Variants in DLG2 observed in about 807,000 individuals in gnomAD.
The protein encoded by DLG2 is discs large MAGUK scaffold protein 2.
In DLG2, 45 loss-of-function variants were observed where a neutral mutation model predicts 132.5. That is an observed-to-expected ratio of 0.34 (90% CI 0.27 to 0.44). DLG2 has a LOEUF of 0.44. Among genes scored for constraint, DLG2 ranks in the 20% least tolerant of loss-of-function variants. The probability of loss-of-function intolerance (pLI) is 1.00; values close to 1 mark genes in which losing one functional copy is unlikely to be tolerated. For missense variants in DLG2, 1,045 were observed against 1,196.9 expected (o/e 0.87, Z 1.87); for synonymous variants, 424 against 419.6 (o/e 1.01, Z -0.13).
At chr11:84,823,654 T>C (rs908855104) in intron 6 of DLG2, among the ~76,000 whole-genome samples, 1 of 150,640 alleles carries the variant, frequency 6.6e-6, no homozygotes, top group African/African-American at 2.4e-5. Flanking sequence ...CGAGCCCAGT[T>C]ATTTTCTCCA....
intron 9 of DLG2, among the ~76,000 whole-genome samples, chr11:84,137,861 T>C (rs1253291138): frequency 1.3e-5 from 2 of 152,196 alleles, no homozygotes; most frequent in Non-Finnish European, 2.9e-5. Context: ...CTTCATTTAA[T>C]GCCATTACTC....
intron 15 of DLG2, among the ~76,000 whole-genome samples, chr11:83,887,536 A>G (rs2068289371): frequency 1.3e-5 from 2 of 152,150 alleles, no homozygotes; most frequent in African/African-American, 4.8e-5. Context: ...AGGAACTCGT[A>G]CCATTCCTTG....
chr11:84,643,088 T>C (rs1381349030), intron 6 of DLG2, among the ~76,000 whole-genome samples: 2 of 152,338 alleles, frequency 1.3e-5, no homozygotes, highest in East Asian at 1.9e-4. Context: ...TTATTTTCCA[T>C]CACTATGTAG....
intron 4 of DLG2, among the ~76,000 whole-genome samples, chr11:85,253,186 A>T (rs2076484769): frequency 6.6e-6 from 1 of 152,226 alleles, no homozygotes; most frequent in Non-Finnish European, 1.5e-5. Context: ...GACAAGTGAT[A>T]CCATCTGCAT....
chr11:85,036,428 A>G (rs1404213714), intron 6 of DLG2, among the ~76,000 whole-genome samples: 4 of 152,202 alleles, frequency 2.6e-5, no homozygotes, highest in Non-Finnish European at 4.4e-5. Context: ...TATGCCTAAC[A>G]CGTGGTCTCA....
At chr11:83,782,094 G>T (rs1253472725) in intron 18 of DLG2, among the ~76,000 whole-genome samples, 3 of 152,074 alleles carry the variant, frequency 2.0e-5, no homozygotes. Flanking sequence ...ATCTACTAGG[G>T]TTGCTAAAGG....
intron 6 of DLG2, among the ~76,000 whole-genome samples, chr11:85,036,758 C>T (rs115970938): frequency 7.9e-5 from 12 of 152,208 alleles, no homozygotes; most frequent in African/African-American, 2.6e-4. Flanking sequence ...CTTTACATGG[C>T]TTATATAAAA....
At chr11:84,781,055 TAA>T (rs2071673669) in intron 6 of DLG2, among the ~76,000 whole-genome samples, 1 of 75,442 alleles carries the variant, frequency 1.3e-5, no homozygotes, top group East Asian at 2.4e-4. Context: ...CATCATAACT[TAA>T]TGTGTGTGTG....
At chr11:84,191,340 C>G (rs920802431) in intron 8 of DLG2, among the ~76,000 whole-genome samples, 1 of 152,092 alleles carries the variant, frequency 6.6e-6, no homozygotes, top group South Asian at 2.1e-4. Flanking sequence ...CTTAGTCTTT[C>G]CTTCCTGAGT....
chr11:85,339,900 A>G (rs1256346022), intron 3 of DLG2, among the ~76,000 whole-genome samples: 1 of 152,220 alleles, frequency 6.6e-6, no homozygotes, highest in Non-Finnish European at 1.5e-5. Context: ...GCTCATCATC[A>G]CTGGTCATCA....
At chr11:85,407,254 A>G (rs2088840758) in intron 3 of DLG2, among the ~76,000 whole-genome samples, 2 of 152,054 alleles carry the variant, frequency 1.3e-5, no homozygotes, top group South Asian at 4.1e-4. Flanking sequence ...GAGAAGAAAC[A>G]TAATCTTCTA....
intron 6 of DLG2, among the ~76,000 whole-genome samples, chr11:84,955,100 G>C (rs999179568): frequency 2.6e-5 from 4 of 152,166 alleles, no homozygotes; most frequent in Non-Finnish European, 5.9e-5. Context: ...TGGCAAGCTA[G>C]ATTTGGCCTA....
At chr11:84,841,611 T>C (rs1340749908) in intron 6 of DLG2, among the ~76,000 whole-genome samples, 2 of 152,036 alleles carry the variant, frequency 1.3e-5, no homozygotes, top group African/African-American at 4.8e-5. Flanking sequence ...ATATTTATTC[T>C]ATGAACAAAT....
chr11:85,457,315 T>G (rs2092455300), intron 3 of DLG2, among the ~76,000 whole-genome samples: 1 of 152,108 alleles, frequency 6.6e-6, no homozygotes, highest in Non-Finnish European at 1.5e-5. Flanking sequence ...CCCTTTGTTT[T>G]GGGCCTATGA....
intron 11 of DLG2, among the ~76,000 whole-genome samples, chr11:84,000,226 T>C (rs1017639488): frequency 6.6e-6 from 1 of 151,788 alleles, no homozygotes; most frequent in Non-Finnish European, 1.5e-5. Flanking sequence ...ATTGAATATA[T>C]CAGAAAATAC....
intron 16 of DLG2, 38 bp downstream of exon 16, chr11:83,874,382 G>A (rs775850610): frequency 1.2e-5 from 17 of 1,451,478 alleles, no homozygotes; most frequent in South Asian, 4.1e-5. Flanking sequence ...CATATTCCAA[G>A]GCTGCACAGT....
At position 85,613,301 on chromosome 11, in the gene DLG2, A is replaced by C. The variant is rs191355505; in HGVS notation, c.-93+13286T>G. Among the ~76,000 whole-genome samples, 5 of 152,158 alleles carry C rather than the reference A, an allele frequency of 3.3e-5. No individual in the cohort carries two copies. In the East Asian group the frequency reaches 9.7e-4, roughly 29 times the overall value. On this transcript the variant is annotated intron_variant, in intron 2 of 27. Coordinates refer to ENST00000376104, the MANE Select transcript of DLG2 (RefSeq NM_001142699.3). The stretch of plus-strand genomic sequence containing the variant: ...GCTCAACTAACAACTTCTACTGAGG[A>C]CCCCTGGACTGACCCACCAGTCCTT...
chr11:84,622,960 T>G (rs1339523095), intron 6 of DLG2, among the ~76,000 whole-genome samples: 1 of 152,128 alleles, frequency 6.6e-6, no homozygotes, highest in Non-Finnish European at 1.5e-5. Context: ...GTGCTATCCC[T>G]TACATCAACT....
intron 6 of DLG2, among the ~76,000 whole-genome samples, chr11:84,552,553 C>T (rs522231): frequency 9.9e-5 from 15 of 152,066 alleles, no homozygotes; most frequent in African/African-American, 2.4e-4. Context: ...CCCCAGACTG[C>T]GGTCAGAACT....
Sources: gnomAD v4.1 joint callset for allele counts (sites outside exome capture counted in the v4.1 genomes callset) on GRCh38, gnomAD v4.1.1 for gene constraint, MANE v1.5 for transcripts, NCBI Gene and HGNC (gene_info 2026-07-23, HGNC 2026-07-21) for gene names.